The following DLC1 variants were observed in gnomAD, a reference collection of about 807,000 sequenced individuals.
The protein encoded by DLC1 is DLC1 Rho GTPase activating protein.
DLC1 carries 54 observed loss-of-function variants against 140.3 expected under a neutral mutation model. The observed-to-expected ratio is 0.38, with a 90% CI of 0.31 to 0.48. DLC1 has a LOEUF of 0.48. DLC1 is among the 20% of genes least tolerant of loss of function. DLC1 has a pLI of 0.96. For synonymous variants in DLC1, 986 were observed against 728.1 expected (o/e 1.35, Z -5.70); for missense variants, 2,536 against 1,907.0 (o/e 1.33, Z -6.14).
At chr8:13,149,050 C>A (rs1406664128) in intron 5 of DLC1, among the ~76,000 whole-genome samples, 1 of 152,148 alleles carries the variant, frequency 6.6e-6, no homozygotes, top group Admixed American at 6.6e-5. Context: ...CCTCGGCCTC[C>A]CAAAGTGCTG....
intron 2 of DLC1, among the ~76,000 whole-genome samples, chr8:13,447,345 T>C (rs1045321944): frequency 2.6e-5 from 4 of 152,258 alleles, no homozygotes; most frequent in Admixed American, 1.3e-4. Flanking sequence ...GCATACGATT[T>C]ATGACACTAA....
intron 4 of DLC1, among the ~76,000 whole-genome samples, chr8:13,333,658 G>A (rs185556665): frequency 3.9e-5 from 6 of 152,124 alleles, no homozygotes; most frequent in East Asian, 1.9e-4. Context: ...GTTCTCACCC[G>A]CCCCCTTATT....
intron 1 of DLC1, among the ~76,000 whole-genome samples, chr8:13,572,788 A>T (rs1229852631): frequency 2.6e-5 from 4 of 152,174 alleles, no homozygotes; most frequent in African/African-American, 9.7e-5. Context: ...TCAGTTGGTC[A>T]TAGAAATAAG....
At chr8:13,382,748 C>G (rs1836334209) in intron 4 of DLC1, among the ~76,000 whole-genome samples, 1 of 152,122 alleles carries the variant, frequency 6.6e-6, no homozygotes, top group African/African-American at 2.4e-5. Context: ...TGAGATGATA[C>G]TTCAGAGAAC....
intron 2 of DLC1, among the ~76,000 whole-genome samples, chr8:13,450,452 C>CAAAA (rs759911909): frequency 0.28 from 14,923 of 53,206 alleles, 2,512 homozygotes; most frequent in Non-Finnish European, 0.38. Flanking sequence ...GAGACTGTCT[C>CAAAA]AAAAAAAAAA....
At chr8:13,257,581 A>C (rs17127858) in intron 5 of DLC1, among the ~76,000 whole-genome samples, 16,208 of 152,198 alleles carry the variant, frequency 0.11, 1,031 homozygotes, top group African/African-American at 0.18. Flanking sequence ...GAGCTGATTA[A>C]AATGCAGATT....
Position 13,086,294 on chromosome 8 carries a change from A to C in DLC1, c.4462T>G (p.Leu1488Val), listed in dbSNP as rs1817550719. 12 of 1,613,922 alleles carry C rather than the reference A, an allele frequency of 7.4e-6. No homozygotes were observed. In the East Asian group the frequency reaches 2.7e-4, roughly 36 times the overall value. The change falls in exon 17 of 18, where the codon TTA (leucine) becomes GTA (valine). Residue 1488 changes from leucine to valine, a missense_variant. Coordinates refer to ENST00000276297, the MANE Select transcript of DLC1 (RefSeq NM_182643.3). ...SKLTYMCRVD[L>V]RGHMPEWYTK... ...AAAATCAGAATCAGAACATACCTTAAGTCAACTCTGCACATGTAGGTGAGT... is the reference window on the plus strand; with the variant it reads ...AAAATCAGAATCAGAACATACCTTACGTCAACTCTGCACATGTAGGTGAGT...
intron 2 of DLC1, among the ~76,000 whole-genome samples, chr8:13,409,579 G>C (rs1837700058): frequency 6.6e-6 from 1 of 152,058 alleles, no homozygotes; most frequent in Non-Finnish European, 1.5e-5. Context: ...AGTGTAACTG[G>C]GTATTTTATG....
At chr8:13,201,676 A>T (rs1053195433) in intron 5 of DLC1, among the ~76,000 whole-genome samples, 2 of 152,154 alleles carry the variant, frequency 1.3e-5, no homozygotes, top group Non-Finnish European at 1.5e-5. Flanking sequence ...AAATCTCCAA[A>T]TGTAGATTCT....
rs190164993 is a variant in DLC1 at position 13,428,741 on chromosome 8, G to A, written c.1024-27122C>T. Among the ~76,000 whole-genome samples the A allele has an allele frequency of 2.6e-5, 4 of 152,190 alleles. No individual in the cohort carries two copies. In the East Asian group the frequency reaches 7.7e-4, roughly 29 times the overall value. On this transcript the variant is annotated intron_variant, in intron 2 of 17. Coordinates refer to ENST00000276297, the MANE Select transcript of DLC1 (RefSeq NM_182643.3). ...TGGATTTTTTTTTGCCATTTAACGT[G>A]ATGGGATATGGTGGAACTACATGCT... is the stretch of plus-strand genomic sequence containing the variant.
At chr8:13,283,652 C>T (rs1831444330) in intron 5 of DLC1, among the ~76,000 whole-genome samples, 1 of 152,144 alleles carries the variant, frequency 6.6e-6, no homozygotes, top group Non-Finnish European at 1.5e-5. Context: ...GTAGCCTGGA[C>T]TACAGGCGCA....
intron 2 of DLC1, among the ~76,000 whole-genome samples, chr8:13,454,241 A>G (rs187218516): frequency 7.2e-5 from 11 of 152,320 alleles, no homozygotes; most frequent in Admixed American, 6.5e-4. Context: ...TGAGCATTAA[A>G]AAAAAATCTT....
intron 5 of DLC1, among the ~76,000 whole-genome samples, chr8:13,229,664 AGAAG>A (rs1828956280): frequency 1.3e-5 from 2 of 152,026 alleles, no homozygotes; most frequent in African/African-American, 4.8e-5. Flanking sequence ...AGAGAGAGAG[AGAAG>A]AGAGAGAGAG....
At chr8:13,445,382 C>A (rs1563352752) in intron 2 of DLC1, among the ~76,000 whole-genome samples, 1 of 152,132 alleles carries the variant, frequency 6.6e-6, no homozygotes, top group Non-Finnish European at 1.5e-5. Flanking sequence ...AAACAGAAGT[C>A]TGTACTTCAG....
intron 5 of DLC1, among the ~76,000 whole-genome samples, chr8:13,164,301 A>AAAG (rs1301469675): frequency 6.7e-6 from 1 of 150,342 alleles, no homozygotes; most frequent in Admixed American, 6.6e-5. Flanking sequence ...TCTCTCAAAA[A>AAAG]AAAAAAATCT....
chr8:13,561,114 TG>T (rs1244042430), intron 1 of DLC1, among the ~76,000 whole-genome samples: 1 of 132,382 alleles, frequency 7.6e-6, no homozygotes, highest in African/African-American at 2.7e-5. Flanking sequence ...ATATTTAAAG[TG>T]TTTTTCCTTT....
chr8:13,221,819 A>G, intron 5 of DLC1, among the ~76,000 whole-genome samples: 1 of 145,202 alleles, frequency 6.9e-6, no homozygotes, highest in Non-Finnish European at 1.5e-5. Flanking sequence ...TACATATATT[A>G]TAAAATACAT....
rs567774144 is a variant in DLC1, at chr8:13,411,713, T to A, written c.1024-10094A>T. Among the ~76,000 whole-genome samples, 131 of 152,264 alleles carry A rather than the reference T, an allele frequency of 8.6e-4. 1 individual carries two copies. The highest frequency in any genetic ancestry group is 3.1e-3 in the African/African-American group (128 of 41,556). On this transcript the variant is annotated intron_variant, in intron 2 of 17. Transcript: ENST00000276297. Reference sequence around the variant, plus strand: ...CTTTTTAAAAAGTCCATTAAAAATATGAAACAAAATAAAGAAAATGGAAAG... The same window carrying A: ...CTTTTTAAAAAGTCCATTAAAAATAAGAAACAAAATAAAGAAAATGGAAAG...
chr8:13,602,386 T>C (rs1346889072), intron 1 of DLC1, among the ~76,000 whole-genome samples: 1 of 151,828 alleles, frequency 6.6e-6, no homozygotes, highest in Non-Finnish European at 1.5e-5. Flanking sequence ...TTACTATTTT[T>C]ATGACATTAA....
Sources: allele counts gnomAD v4.1 joint callset (sites outside exome capture counted in the v4.1 genomes callset), GRCh38; gene constraint gnomAD v4.1.1; transcripts MANE v1.5; gene names NCBI Gene and HGNC (gene_info 2026-07-23, HGNC 2026-07-21).